Variants in MAST4 observed in about 807,000 individuals in gnomAD.
MAST4 encodes the protein microtubule-associated serine/threonine-protein kinase 4.
MAST4 carries 89 observed loss-of-function variants against 162.7 expected under a neutral mutation model. The ratio of observed to expected loss-of-function variants is 0.55; its 90% CI spans 0.46 to 0.65. The LOEUF is 0.65. Among genes scored for constraint, MAST4 ranks in the 30% least tolerant of loss-of-function variants. The pLI, the probability that MAST4 is intolerant of heterozygous loss-of-function variation, is 0.00. For synonymous variants in MAST4, 1,479 were observed against 1,361.1 expected (o/e 1.09, Z -1.91); for missense variants, 3,153 against 3,374.0 (o/e 0.93, Z 1.62).
intron 3 of MAST4, among the ~76,000 whole-genome samples, chr5:66,855,218 G>T (rs534330798): frequency 1.4e-4 from 21 of 152,222 alleles, no homozygotes; most frequent in African/African-American, 4.8e-4. Context: ...GCTTTTGTGG[G>T]ATCTGATGGT....
In MAST4 at chr5:67,163,734, G is replaced by A. The variant is rs774911010; in HGVS notation, c.4555G>A (p.Gly1519Ser). Residue 1519 changes from glycine (G) to serine (S), a missense_variant, in exon 29 of 29, where the codon GGC (glycine) becomes AGC (serine). Coordinates refer to ENST00000403625, the MANE Select transcript of MAST4 (RefSeq NM_001164664.2). This position sits in a 1 kb window ranked among gnomAD's most constrained non-coding sequence, Gnocchi z 7.0. ...GAAACGCCCAGTCTCCCGGAAGGTG[G>A]GCCGCCAGGAGTCTGTGGACGACCT... ...CLKRPVSRKVGRQESVDDLDR... is the reference protein window; with the variant it reads ...CLKRPVSRKVSRQESVDDLDR... The A allele has an allele frequency of 4.4e-5, 70 of 1,608,960 alleles. No individual in the cohort carries two copies. Among genetic ancestry groups the A allele is most frequent in the Middle Eastern group, 3.3e-4 (2 of 6,058 alleles).
intron 3 of MAST4, chr5:66,870,885 G>A (rs537895028): frequency 1.3e-5 from 6 of 470,832 alleles, no homozygotes; most frequent in Non-Finnish European, 2.2e-5. Flanking sequence ...GGCAACGGGT[G>A]TGCATGGCGG....
chr5:67,012,195 A>G (rs1044848261), intron 4 of MAST4, among the ~76,000 whole-genome samples: 1 of 145,548 alleles, frequency 6.9e-6, no homozygotes, highest in African/African-American at 2.6e-5. Flanking sequence ...GCTTCAAGAT[A>G]GAGACCATTT....
intron 4 of MAST4, among the ~76,000 whole-genome samples, chr5:66,920,260 A>G (rs1764443982): frequency 6.6e-6 from 1 of 152,152 alleles, no homozygotes; most frequent in Non-Finnish European, 1.5e-5. Context: ...GTCAACTCAA[A>G]TTGTGTTTCC....
At chr5:67,115,239 C>A (rs1766751817) in intron 12 of MAST4, among the ~76,000 whole-genome samples, 1 of 152,100 alleles carries the variant, frequency 6.6e-6, no homozygotes, top group African/African-American at 2.4e-5. Context: ...GTTATATACT[C>A]CCCAAAAAGA....
chr5:67,041,867 G>A (rs1302088962), intron 4 of MAST4, among the ~76,000 whole-genome samples: 2 of 152,220 alleles, frequency 1.3e-5, no homozygotes, highest in African/African-American at 4.8e-5. Flanking sequence ...GACCTCAAGT[G>A]ATCTGCCTGC....
chr5:66,833,157 T>A (rs1188151626), intron 3 of MAST4, among the ~76,000 whole-genome samples: 1 of 152,194 alleles, frequency 6.6e-6, no homozygotes, highest in East Asian at 1.9e-4. Context: ...AGCTCCTCTT[T>A]TGCACCTTTT....
At chr5:66,644,856 TG>T (rs563270891) in intron 1 of MAST4, among the ~76,000 whole-genome samples, 28 of 151,726 alleles carry the variant, frequency 1.8e-4, no homozygotes, top group Non-Finnish European at 2.8e-4. Context: ...CTGACTGTGG[TG>T]GGTATGGCCC....
chr5:66,841,674 C>A (rs1006095783), intron 3 of MAST4, among the ~76,000 whole-genome samples: 2 of 152,174 alleles, frequency 1.3e-5, no homozygotes, highest in African/African-American at 2.4e-5. Context: ...ATCCTAATTA[C>A]CTCCCAAAGG....
chr5:67,080,338 A>T (rs1482495255), intron 5 of MAST4, among the ~76,000 whole-genome samples: 1 of 152,118 alleles, frequency 6.6e-6, no homozygotes, highest in Non-Finnish European at 1.5e-5. Flanking sequence ...GTTCTTTAAG[A>T]GAATAATCAC....
At chr5:67,099,447 G>T (rs977359032) in intron 7 of MAST4, among the ~76,000 whole-genome samples, 3 of 151,722 alleles carry the variant, frequency 2.0e-5, no homozygotes, top group Non-Finnish European at 4.4e-5. Context: ...TTCTAGTTTT[G>T]CTGCATTGCA....
chr5:66,739,938 G>C (rs778596078), intron 1 of MAST4, among the ~76,000 whole-genome samples: 3 of 149,800 alleles, frequency 2.0e-5, no homozygotes, highest in Non-Finnish European at 4.4e-5. Context: ...AGTTTGTTGT[G>C]AATGATTTTT....
At chr5:67,042,657 A>C (rs929936560) in intron 4 of MAST4, among the ~76,000 whole-genome samples, 9 of 152,180 alleles carry the variant, frequency 5.9e-5, no homozygotes, top group African/African-American at 2.2e-4. Context: ...TAATTTTAAT[A>C]TCCGTTTGGC....
chr5:66,900,758 C>T (rs889160072), intron 4 of MAST4, among the ~76,000 whole-genome samples: 3 of 152,054 alleles, frequency 2.0e-5, no homozygotes, highest in Admixed American at 2.0e-4. Flanking sequence ...TGCAACTCTC[C>T]TCTTGGAGGA....
intron 3 of MAST4, among the ~76,000 whole-genome samples, chr5:66,852,359 G>A (rs1479113304): frequency 6.6e-6 from 1 of 152,078 alleles, no homozygotes; most frequent in Non-Finnish European, 1.5e-5. Flanking sequence ...TGCCCAGGGT[G>A]GTCTCAAACT....
At chr5:66,997,455 A>T (rs1430402618) in intron 4 of MAST4, among the ~76,000 whole-genome samples, 3 of 138,240 alleles carry the variant, frequency 2.2e-5, no homozygotes, top group Non-Finnish European at 4.7e-5. Context: ...TTTTTGAGAT[A>T]GAGTTTCACT....
chr5:66,898,820 C>T (rs1762839021), intron 3 of MAST4, among the ~76,000 whole-genome samples: 1 of 152,196 alleles, frequency 6.6e-6, no homozygotes, highest in African/African-American at 2.4e-5. Context: ...GCAGCAGCCA[C>T]AGAGCTCTCC....
At chr5:66,617,362 CA>C (rs1341888685) in intron 1 of MAST4, among the ~76,000 whole-genome samples, 5 of 152,190 alleles carry the variant, frequency 3.3e-5, no homozygotes, top group African/African-American at 1.2e-4. Flanking sequence ...GGGATATCAC[CA>C]TTTCCTGGTT....
At chr5:66,706,654 A>G (rs1750150495) in intron 1 of MAST4, among the ~76,000 whole-genome samples, 1 of 151,678 alleles carries the variant, frequency 6.6e-6, no homozygotes, top group African/African-American at 2.4e-5. Flanking sequence ...CCTCAAACTA[A>G]TGATTCATAA....
Sources: gnomAD v4.1 joint callset for allele counts (sites outside exome capture counted in the v4.1 genomes callset) on GRCh38, gnomAD v4.1.1 for gene constraint, Gnocchi (gnomAD v3.1) non-coding constraint, MANE v1.5 for transcripts, NCBI Gene and HGNC (gene_info 2026-07-23, HGNC 2026-07-21) for gene names.